HACL1: variants seen among roughly 807,000 people sequenced by gnomAD.
The protein encoded by HACL1 is 2-hydroxyacyl-CoA lyase 1.
A neutral mutation model predicts 74.2 loss-of-function variants in HACL1; 64 were observed. The ratio of observed to expected loss-of-function variants is 0.86; its 90% CI spans 0.70 to 1.06. The LOEUF (loss-of-function observed/expected upper bound fraction) is 1.06, where lower values mean the gene tolerates loss of function less well. Ranked by LOEUF, HACL1 falls within the 50% of genes least tolerant of loss-of-function variation. The pLI is 0.00. For synonymous variants in HACL1, 230 were observed against 238.8 expected, an observed-to-expected ratio of 0.96 and a Z score of 0.34; for missense variants, 728 against 719.7, an observed-to-expected ratio of 1.01 and a Z score of -0.13.
At chr3:15,598,597 T>C (rs938344627) in intron 2 of HACL1, among the ~76,000 whole-genome samples, 1 of 152,186 alleles carries the variant, frequency 6.6e-6, no homozygotes, top group East Asian at 1.9e-4. Flanking sequence ...CACAGTAAGC[T>C]CTCAAGAACA....
chr3:15,583,133 TACC>T (rs2063740741), intron 7 of HACL1, 144 bp from the exon 8 acceptor site: 3 of 546,734 alleles, frequency 5.5e-6, no homozygotes, highest in Non-Finnish European at 9.9e-6. Flanking sequence ...AATATCATTT[TACC>T]ACATTTGTTT....
In HACL1 at chr3:15,591,908, A is replaced by G. The variant is rs971956838; in HGVS notation, c.228-228T>C. On this transcript the variant is annotated intron_variant, in intron 3 of 16. Coordinates refer to ENST00000321169, the MANE Select transcript of HACL1 (RefSeq NM_012260.4). The stretch of plus-strand genomic sequence containing the variant: ...TACGTATATAGTGTATACACTATAT[A>G]TGTATATAGTGTATATATACGTATA... Among the ~76,000 whole-genome samples, 12 of 150,768 alleles carry G rather than the reference A, an allele frequency of 8.0e-5. 3 individuals are homozygous for G. The highest frequency in any genetic ancestry group is 1.9e-4 in the East Asian group (1 of 5,140).
chr3:15,571,558 A>C, intron 12 of HACL1, 110 bp downstream of exon 12: 1 of 728,364 alleles, frequency 1.4e-6, no homozygotes, highest in Non-Finnish European at 2.5e-6. Context: ...TTTTCACTGC[A>C]CAATTTTGCA....
chr3:15,585,020 A>G (rs945019248), intron 7 of HACL1, among the ~76,000 whole-genome samples: 11 of 152,258 alleles, frequency 7.2e-5, no homozygotes, highest in Non-Finnish European at 1.5e-5. Flanking sequence ...CGAGGAGTTC[A>G]GGAAGTTCTA....
In HACL1 at chr3:15,601,153, G is replaced by T; in HGVS notation, c.123C>A (p.Thr41=). The T allele has an allele frequency of 6.2e-7, 1 of 1,613,906 alleles. No homozygotes were observed. Among genetic ancestry groups the T allele is most frequent in the Middle Eastern group, 1.7e-4 (1 of 6,060 alleles). ...GCTGCTGGGCAGCAATGGCGATTTC[G>T]GTCACTGGGATGCCTACGATGCCAA... ...YIFGIVGIPV[T]EIAIAAQQLG... The change falls in exon 2 of 17, where the codon ACC becomes ACA. Residue 41 remains threonine, a synonymous_variant. Transcript: ENST00000321169.
chr3:15,562,270 T>C (rs1214544036), intron 16 of HACL1, among the ~76,000 whole-genome samples: 1 of 152,184 alleles, frequency 6.6e-6, no homozygotes, highest in Non-Finnish European at 1.5e-5. Context: ...TCTGCCTGCT[T>C]GCTCCACAGA....
In HACL1 at chr3:15,579,945, G is replaced by A. The variant is rs142755988; in HGVS notation, c.768C>T (p.Asp256=). ...CTGCACCTACACAGTATGGATGGTT[G>A]TCAGGGACAACACCCTTCCCCATAG... ...PTPMGKGVVP[D]NHPYCVGAAR... is the part of the protein sequence containing the mutation. The change falls in exon 9 of 17, where the codon GAC becomes GAT. Residue 256 remains aspartate, a synonymous_variant. Transcript: ENST00000321169. 6.2e-7 allele frequency: 1 copy of A among 1,611,870 alleles called. No individual in the cohort carries two copies. Among genetic ancestry groups the A allele is most frequent in the African/African-American group, 1.3e-5 (1 of 74,990 alleles).
intron 7 of HACL1, 122 bp downstream of exon 7, chr3:15,585,122 CTAAA>C: frequency 1.9e-6 from 1 of 524,002 alleles, no homozygotes; most frequent in Non-Finnish European, 3.5e-6. Context: ...AGTTTAATTA[CTAAA>C]TAATCAAGTT....
chr3:15,592,050 ATATACGTATATATACGTATATACG>A (rs1339048011), intron 3 of HACL1, among the ~76,000 whole-genome samples: 5 of 35,906 alleles, frequency 1.4e-4, no homozygotes, highest in South Asian at 1.4e-3. Flanking sequence ...TACACACACT[ATATACGTATATATACGTATATACG>A]TATACGTATA....
At chr3:15,575,705 C>T (rs2063613447) in intron 9 of HACL1, among the ~76,000 whole-genome samples, 1 of 152,100 alleles carries the variant, frequency 6.6e-6, no homozygotes, top group African/African-American at 2.4e-5. Flanking sequence ...CTGCACCTGA[C>T]TAATTTTTAA....
chr3:15,591,543 TA>T, intron 4 of HACL1, 56 bp downstream of exon 4: 1 of 1,030,650 alleles, frequency 9.7e-7, no homozygotes, highest in East Asian at 2.5e-5. Context: ...CTCTACTCAG[TA>T]AAATCCTGCA....
intron 12 of HACL1, among the ~76,000 whole-genome samples, 173 bp from the exon 13 acceptor site, chr3:15,568,759 T>C (rs1026244366): frequency 3.3e-5 from 5 of 152,200 alleles, no homozygotes; most frequent in African/African-American, 1.2e-4. Context: ...TGAACAGCCC[T>C]GGGGGACATG....
At chr3:15,591,756 G>T in intron 3 of HACL1, 76 bp from the exon 4 acceptor site, 1 of 887,766 alleles carries the variant, frequency 1.1e-6, no homozygotes. Context: ...GTGAAACATG[G>T]CAATCTTGGA....
chr3:15,594,145 C>T (rs948843006), intron 3 of HACL1, among the ~76,000 whole-genome samples: 2 of 152,150 alleles, frequency 1.3e-5, no homozygotes, highest in African/African-American at 2.4e-5. Context: ...CGGTGGCTGA[C>T]GTCTGTAATC....
chr3:15,597,507 T>C (rs1300411502), intron 2 of HACL1, among the ~76,000 whole-genome samples: 2 of 148,126 alleles, frequency 1.4e-5, no homozygotes, highest in Admixed American at 6.6e-5. Context: ...ATCATTTTTT[T>C]CCCAGTATTA....
intron 6 of HACL1, 136 bp downstream of exon 6, chr3:15,586,388 CT>C: frequency 1.7e-6 from 1 of 572,902 alleles, no homozygotes; most frequent in Non-Finnish European, 3.1e-6. Flanking sequence ...ATGTAAATAG[CT>C]TTCTAACAAT....
intron 14 of HACL1, among the ~76,000 whole-genome samples, chr3:15,567,634 T>C (rs2063459702): frequency 6.6e-6 from 1 of 152,094 alleles, no homozygotes; most frequent in South Asian, 2.1e-4. Flanking sequence ...GTTTTACAGG[T>C]TTTTACCATA....
At chr3:15,592,290 G>T (rs555806698) in intron 3 of HACL1, among the ~76,000 whole-genome samples, 98 of 128,382 alleles carry the variant, frequency 7.6e-4, no homozygotes, top group African/African-American at 3.3e-3. Context: ...ACGTGTATAT[G>T]TATACATACG....
Position 15,593,158 on chromosome 3 carries a change from C to T in HACL1, c.228-1478G>A, listed in dbSNP as rs550644924. On this transcript the variant is annotated intron_variant, in intron 3 of 16. Transcript: ENST00000321169. ...ATATGTATATATACACACATACACA[C>T]ATACGTATATATGTGTGTATATATA... 9.3e-3 allele frequency among the ~76,000 whole-genome samples: 1,387 copies of T among 148,740 alleles called. 34 individuals are homozygous for T. Among genetic ancestry groups the T allele is most frequent in the African/African-American group, 0.032 (1,290 of 39,766 alleles).
Sources: allele counts gnomAD v4.1 joint callset (sites outside exome capture counted in the v4.1 genomes callset), GRCh38; gene constraint gnomAD v4.1.1; transcripts MANE v1.5; gene names NCBI Gene and HGNC (gene_info 2026-07-23, HGNC 2026-07-21).